NELL2: variants seen among roughly 807,000 people sequenced by gnomAD.
NELL2 encodes protein kinase C-binding protein NELL2.
NELL2 carries 41 observed loss-of-function variants against 109.6 expected under a neutral mutation model. That is an observed-to-expected ratio of 0.37 (90% confidence interval 0.29 to 0.49). The LOEUF is 0.49. NELL2 is among the 20% of genes least tolerant of loss of function. The pLI, the probability that NELL2 is intolerant of heterozygous loss-of-function variation, is 0.98. For missense variants in NELL2, 900 were observed against 1,008.3 expected, an observed-to-expected ratio of 0.89 and a Z score of 1.45; for synonymous variants, 355 against 344.7, an observed-to-expected ratio of 1.03 and a Z score of -0.33.
At chr12:44,510,652 G>A (rs1940957993) in intron 19 of NELL2, among the ~76,000 whole-genome samples, 1 of 152,196 alleles carries the variant, frequency 6.6e-6, no homozygotes. Flanking sequence ...ATTAAGCTGA[G>A]TTCATATTCT....
At chr12:44,556,296 A>G (rs750324400) in intron 15 of NELL2, among the ~76,000 whole-genome samples, 1 of 152,220 alleles carries the variant, frequency 6.6e-6, no homozygotes. Context: ...CCAGGAAAGC[A>G]GGTGCTTACC....
At chr12:44,769,170 A>T (rs1941451282) in intron 9 of NELL2, among the ~76,000 whole-genome samples, 1 of 152,158 alleles carries the variant, frequency 6.6e-6, no homozygotes, top group Admixed American at 6.5e-5. Flanking sequence ...ACTTTGCTAC[A>T]CATTTTAAGG....
At chr12:44,885,519 A>C (rs1404945202) in intron 1 of NELL2, among the ~76,000 whole-genome samples, 1 of 151,898 alleles carries the variant, frequency 6.6e-6, no homozygotes, top group Non-Finnish European at 1.5e-5. Context: ...ACAATTTAAA[A>C]AATATATGAT....
At position 44,856,155 on chromosome 12, in the gene NELL2, A is replaced by T. The variant is rs555810449; in HGVS notation, c.184+19070T>A. Reference sequence around the variant, plus strand: ...CAATGCAGAGACTCAAGCCCCAAGGAGATCACAATCTAGTCAAGAAGTCAA... The same window carrying T: ...CAATGCAGAGACTCAAGCCCCAAGGTGATCACAATCTAGTCAAGAAGTCAA... On this transcript the variant is annotated intron_variant, in intron 2 of 19. Transcript: ENST00000429094. 1.0e-3 allele frequency among the ~76,000 whole-genome samples: 156 copies of T among 152,356 alleles called. 1 individual carries two copies. Among genetic ancestry groups the T allele is most frequent in the African/African-American group, 3.2e-3 (134 of 41,580 alleles).
chr12:44,645,316 C>G (rs1044001004), intron 13 of NELL2, among the ~76,000 whole-genome samples: 1 of 152,124 alleles, frequency 6.6e-6, no homozygotes, highest in Non-Finnish European at 1.5e-5. Flanking sequence ...GCAGAACATA[C>G]TGGAGATAGC....
chr12:44,863,926 G>T (rs933478244), intron 2 of NELL2, among the ~76,000 whole-genome samples: 1 of 152,134 alleles, frequency 6.6e-6, no homozygotes, highest in Non-Finnish European at 1.5e-5. Flanking sequence ...ATGTAGGCAG[G>T]GAGTTGGCTG....
At chr12:44,661,439 G>A (rs1947740204) in intron 13 of NELL2, among the ~76,000 whole-genome samples, 1 of 152,152 alleles carries the variant, frequency 6.6e-6, no homozygotes, top group African/African-American at 2.4e-5. Context: ...TCAGTCCTCA[G>A]TTGAATTCTT....
intron 1 of NELL2, among the ~76,000 whole-genome samples, chr12:44,882,911 A>T (rs530696163): frequency 2.1e-5 from 3 of 140,080 alleles, no homozygotes; most frequent in Admixed American, 7.4e-5. Context: ...TGCAGTCTCA[A>T]CTCACTGCAA....
intron 1 of NELL2, among the ~76,000 whole-genome samples, chr12:44,893,848 C>T (rs1192538976): frequency 6.6e-6 from 1 of 152,170 alleles, no homozygotes; most frequent in African/African-American, 2.4e-5. Context: ...AGTGCTTTCC[C>T]AAACCATCTG....
upstream of NELL2, among the ~76,000 whole-genome samples, chr12:44,917,433 G>A (rs1367692439): frequency 6.6e-6 from 1 of 152,144 alleles, no homozygotes; most frequent in Admixed American, 6.5e-5. Flanking sequence ...CTAATGGAGA[G>A]TTGAAGGAGT....
chr12:44,598,052 G>A (rs1288682999), intron 15 of NELL2, among the ~76,000 whole-genome samples: 2 of 149,686 alleles, frequency 1.3e-5, no homozygotes, highest in Non-Finnish European at 3.0e-5. Context: ...AAATTTGATT[G>A]TTCTTCTTTA....
At chr12:44,915,546 T>A (rs1945822474), upstream of NELL2, among the ~76,000 whole-genome samples, 1 of 152,230 alleles carries the variant, frequency 6.6e-6, no homozygotes, top group Non-Finnish European at 1.5e-5. Flanking sequence ...CGAGTCTTCA[T>A]CTTCTGTGAC....
chr12:44,553,283 A>AAAG (rs1247923011), intron 15 of NELL2, among the ~76,000 whole-genome samples: 1 of 56,592 alleles, frequency 1.8e-5, no homozygotes, highest in African/African-American at 6.3e-5. Context: ...AATAATAAAA[A>AAAG]AAGAAAAAAA....
intron 9 of NELL2, among the ~76,000 whole-genome samples, chr12:44,717,005 A>G (rs1048250724): frequency 9.9e-5 from 15 of 152,160 alleles, no homozygotes; most frequent in Admixed American, 3.9e-4. Context: ...ACAAAAATGA[A>G]TGAGGTCACA....
chr12:44,786,913 A>C (rs1275485783), intron 3 of NELL2, among the ~76,000 whole-genome samples: 1 of 152,112 alleles, frequency 6.6e-6, no homozygotes, highest in African/African-American at 2.4e-5. Context: ...ATTAGGACAA[A>C]TACCTAATGC....
At chr12:44,845,988 C>A (rs1944356795) in intron 2 of NELL2, among the ~76,000 whole-genome samples, 1 of 152,142 alleles carries the variant, frequency 6.6e-6, no homozygotes, top group Non-Finnish European at 1.5e-5. Context: ...GCCTTTACTC[C>A]ACACTATGGC....
intron 9 of NELL2, among the ~76,000 whole-genome samples, chr12:44,749,865 C>T (rs1219218480): frequency 1.3e-5 from 2 of 152,040 alleles, no homozygotes; most frequent in Non-Finnish European, 2.9e-5. Context: ...TACGTAAAAC[C>T]TGTCACTTAG....
chr12:44,721,509 G>A (rs1216644570), intron 9 of NELL2, among the ~76,000 whole-genome samples: 1 of 152,150 alleles, frequency 6.6e-6, no homozygotes, highest in Non-Finnish European at 1.5e-5. Context: ...CACTTTCAAA[G>A]TTAGAACTAG....
intron 17 of NELL2, 87 bp downstream of exon 17, chr12:44,523,204 T>C: frequency 7.6e-7 from 1 of 1,310,042 alleles, no homozygotes; most frequent in Non-Finnish European, 1.1e-6. Flanking sequence ...GTACACATTG[T>C]CAAAACTCAT....
Sources: allele counts gnomAD v4.1 joint callset (sites outside exome capture counted in the v4.1 genomes callset), GRCh38; gene constraint gnomAD v4.1.1; transcripts MANE v1.5; gene names NCBI Gene and HGNC (gene_info 2026-07-23, HGNC 2026-07-21).